Variants in KIF16B observed in about 807,000 individuals in gnomAD.
KIF16B encodes kinesin-like protein KIF16B.
Under a neutral mutation model 156.3 loss-of-function variants are expected in KIF16B, and 98 were observed. That is an observed-to-expected ratio of 0.63 (90% CI 0.53 to 0.74). KIF16B has a LOEUF of 0.74. KIF16B is among the 30% of genes least tolerant of loss of function. The pLI is 0.00. For synonymous variants in KIF16B, 564 were observed against 583.7 expected, an observed-to-expected ratio of 0.97 and a Z score of 0.49; for missense variants, 1,421 against 1,606.5, an observed-to-expected ratio of 0.88 and a Z score of 1.97.
chr20:16,390,967 G>C (rs555487098), intron 17 of KIF16B, among the ~76,000 whole-genome samples: 159 of 152,300 alleles, frequency 1.0e-3, no homozygotes, highest in Middle Eastern at 3.4e-3. Context: ...CAGTGGGAAA[G>C]GGCATGTTTT....
At chr20:16,551,828 G>A (rs1469415742) in intron 1 of KIF16B, among the ~76,000 whole-genome samples, 1 of 152,142 alleles carries the variant, frequency 6.6e-6, no homozygotes, top group Non-Finnish European at 1.5e-5. Flanking sequence ...CTGTGCCCAA[G>A]AAAGCAGGCC....
chr20:16,378,821 C>T lies in KIF16B; in HGVS notation c.3181G>A (p.Glu1061Lys), dbSNP rs2065014162. The T allele has an allele frequency of 1.9e-6, 3 of 1,610,010 alleles. No homozygotes were observed. The highest frequency in any genetic ancestry group is 2.2e-5 in the East Asian group (1 of 44,866). ...CAATCTCACCTCTCCTGGTCCTTCTCCAGGGCTTCCTGCTCAGCCTCCAGG... is the reference window on the plus strand; with the variant it reads ...CAATCTCACCTCTCCTGGTCCTTCTTCAGGGCTTCCTGCTCAGCCTCCAGG... Reference protein sequence around the residue: ...ASLEAEQEALEKDQERLEYEI... With the variant: ...ASLEAEQEALKKDQERLEYEI... The change falls in exon 19 of 26, where the codon GAG becomes AAG. Residue 1061 changes from glutamate to lysine, a missense_variant. By Grantham distance (56) the Glu-to-Lys change is moderately conservative. Coordinates refer to ENST00000354981, the MANE Select transcript of KIF16B (RefSeq NM_024704.5).
intron 24 of KIF16B, among the ~76,000 whole-genome samples, chr20:16,331,550 A>G (rs1044148040): frequency 2.6e-5 from 4 of 152,270 alleles, no homozygotes; most frequent in African/African-American, 9.6e-5. Context: ...GGCTAGGTAA[A>G]TTTAATATGT....
intron 25 of KIF16B, among the ~76,000 whole-genome samples, chr20:16,285,826 A>G (rs555572680): frequency 6.6e-6 from 1 of 152,214 alleles, no homozygotes; most frequent in South Asian, 2.1e-4. Context: ...AAAAAAACAA[A>G]ACAAAACAAA....
chr20:16,373,107 A>G (rs746026312), intron 20 of KIF16B, among the ~76,000 whole-genome samples: 1 of 152,242 alleles, frequency 6.6e-6, no homozygotes, highest in Non-Finnish European at 1.5e-5. Flanking sequence ...TCATTTCTAT[A>G]CTACTGACCA....
intron 3 of KIF16B, among the ~76,000 whole-genome samples, chr20:16,519,903 C>T (rs533146904): frequency 1.4e-4 from 21 of 152,156 alleles, no homozygotes; most frequent in African/African-American, 2.2e-4. Context: ...CGCCTCACCC[C>T]GGGAAGTGCA....
intron 22 of KIF16B, among the ~76,000 whole-genome samples, chr20:16,364,659 C>T (rs1054946595): frequency 6.6e-6 from 1 of 152,208 alleles, no homozygotes; most frequent in Non-Finnish European, 1.5e-5. Flanking sequence ...TTAATACTTA[C>T]TTCACAGAGA....
chr20:16,546,497 C>T (rs1394604662), intron 1 of KIF16B, among the ~76,000 whole-genome samples: 1 of 152,172 alleles, frequency 6.6e-6, no homozygotes, highest in Non-Finnish European at 1.5e-5. Context: ...ACAAAATGAT[C>T]TCTGGGAGCT....
intron 2 of KIF16B, among the ~76,000 whole-genome samples, chr20:16,526,743 A>G (rs1386281452): frequency 6.6e-6 from 1 of 152,176 alleles, no homozygotes; most frequent in Admixed American, 6.5e-5. Flanking sequence ...ATGTTTGCAT[A>G]TATCTTGTCC....
intron 15 of KIF16B, among the ~76,000 whole-genome samples, chr20:16,410,675 G>A (rs2065930998): frequency 6.6e-6 from 1 of 152,190 alleles, no homozygotes; most frequent in South Asian, 2.1e-4. Context: ...ACAATCTGCA[G>A]TTGCTTAGCA....
intron 6 of KIF16B, among the ~76,000 whole-genome samples, chr20:16,510,020 T>C (rs984644720): frequency 6.6e-5 from 10 of 152,182 alleles, no homozygotes; most frequent in Non-Finnish European, 1.5e-4. Context: ...TAAAACTGAG[T>C]TGTGGTGCCA....
intron 17 of KIF16B, among the ~76,000 whole-genome samples, chr20:16,401,676 G>A (rs1007204664): frequency 2.6e-5 from 4 of 152,146 alleles, no homozygotes; most frequent in Admixed American, 2.0e-4. Flanking sequence ...TCGACTGCTA[G>A]CCCAGGCCTG....
chr20:16,483,601 A>T (rs2068037813), intron 12 of KIF16B, among the ~76,000 whole-genome samples: 1 of 152,212 alleles, frequency 6.6e-6, no homozygotes, highest in South Asian at 2.1e-4. Flanking sequence ...TGTGCTGGAC[A>T]CTGCCCTCAG....
intron 15 of KIF16B, among the ~76,000 whole-genome samples, chr20:16,407,188 C>T (rs937507453): frequency 1.3e-5 from 2 of 152,078 alleles, no homozygotes; most frequent in African/African-American, 4.8e-5. Flanking sequence ...GCAAACAAAC[C>T]CATTTTAGGG....
intron 16 of KIF16B, among the ~76,000 whole-genome samples, chr20:16,406,056 T>C (rs1165969683): frequency 6.6e-6 from 1 of 152,190 alleles, no homozygotes. Flanking sequence ...TCCTAACAGA[T>C]GCTGATTAGA....
intron 3 of KIF16B, among the ~76,000 whole-genome samples, chr20:16,516,691 C>G (rs929202222): frequency 6.6e-6 from 1 of 152,162 alleles, no homozygotes; most frequent in Non-Finnish European, 1.5e-5. Context: ...TCATGGGACC[C>G]AGACGGATCA....
chr20:16,428,977 C>T lies in KIF16B; in HGVS notation c.1450G>A (p.Asp484Asn), dbSNP rs750526216. 6 of 1,613,202 alleles carry T rather than the reference C, an allele frequency of 3.7e-6. No homozygotes were observed. Among genetic ancestry groups the T allele is most frequent in the East Asian group, 2.2e-5 (1 of 44,844 alleles). The change falls in exon 14 of 26, where the codon GAT (aspartate) becomes AAT (asparagine). Residue 484 changes from aspartate to asparagine, a missense_variant. Transcript: ENST00000354981. ...KEGQTYVGRD[D>N]ASTEQDIVLH... ...CCAATATCTTGCTCCGTGGAAGCAT[C>T]GTCTCTACCAACGTATGTCTGACCT...
intron 1 of KIF16B, among the ~76,000 whole-genome samples, chr20:16,554,838 C>T (rs535991930): frequency 6.6e-6 from 1 of 152,378 alleles, no homozygotes; most frequent in Non-Finnish European, 1.5e-5. Context: ...GTTTGCAGTA[C>T]ATCTGGTCCA....
At chr20:16,437,244 T>C (rs1600394304) in intron 12 of KIF16B, among the ~76,000 whole-genome samples, 1 of 152,320 alleles carries the variant, frequency 6.6e-6, no homozygotes, top group East Asian at 1.9e-4. Flanking sequence ...TTCTAATATT[T>C]TCAATCTATG....
Sources: gnomAD v4.1 joint callset for allele counts (sites outside exome capture counted in the v4.1 genomes callset) on GRCh38, gnomAD v4.1.1 for gene constraint, MANE v1.5 for transcripts, NCBI Gene and HGNC (gene_info 2026-07-23, HGNC 2026-07-21) for gene names.